The following ACACA variants were observed in gnomAD, a reference collection of about 807,000 sequenced individuals.
ACACA encodes acetyl-CoA carboxylase 1.
ACACA carries 103 observed loss-of-function variants against 296.1 expected under a neutral mutation model. The observed-to-expected ratio is 0.35, with a 90% CI of 0.30 to 0.41. ACACA has a LOEUF of 0.41. Among genes scored for constraint, ACACA ranks in the 10% least tolerant of loss-of-function variants. ACACA has a pLI of 1.00. For missense variants in ACACA, 1,554 were observed against 2,989.7 expected, an observed-to-expected ratio of 0.52 and a Z score of 11.20; for synonymous variants, 953 against 1,038.6, an observed-to-expected ratio of 0.92 and a Z score of 1.58.
rs1171328477 is a variant in ACACA at position 37,086,174 on chromosome 17, T to C, written c.*1142A>G. ...CATCAGGAAGGCCAGCTCCTGGTGC[T>C]GAGGGTGTAGCTGTCACCAGGGTCC... On this transcript the variant is annotated 3_prime_UTR_variant, in exon 56 of 56. Coordinates refer to ENST00000616317, the MANE Select transcript of ACACA (RefSeq NM_198834.3). The C allele has an allele frequency of 1.7e-5, 3 of 177,452 alleles. No homozygotes were observed. The highest frequency in any genetic ancestry group is 3.5e-5 in the Non-Finnish European group (3 of 85,314). 11.0% of individuals were successfully genotyped at this position (177,452 alleles called of 1,614,324 possible).
chr17:37,225,052 C>T lies in ACACA; in HGVS notation c.3414G>A (p.Glu1138=), dbSNP rs764605460. The part of the protein sequence containing the change: ...PSYELRHNQV[E]SIFLSAIDMY... ...TGTCAATAGCTGATAGGAAGATAGA[C>T]TCTACTTGGTTATGGCGAAGCTCAT... Residue 1138 remains glutamate (E), a synonymous_variant, in exon 27 of 56, where the codon GAG becomes GAA. Transcript: ENST00000616317. The T allele has an allele frequency of 5.7e-5, 92 of 1,613,102 alleles. No individual in the cohort carries two copies. Among genetic ancestry groups the T allele is most frequent in the Non-Finnish European group, 7.0e-5 (83 of 1,179,712 alleles).
At chr17:37,279,658 A>AG (rs2082422022) in intron 5 of ACACA, among the ~76,000 whole-genome samples, 1 of 151,286 alleles carries the variant, frequency 6.6e-6, no homozygotes, top group African/African-American at 2.4e-5. Flanking sequence ...AAAAAAAAAA[A>AG]AAATTAGCTG....
intron 45 of ACACA, among the ~76,000 whole-genome samples, chr17:37,139,214 T>C (rs1357806358): frequency 1.3e-5 from 2 of 152,182 alleles, no homozygotes; most frequent in Admixed American, 1.3e-4. Flanking sequence ...AAACCAATCT[T>C]CCTAAGGAAC....
chr17:37,331,696 G>A (rs994692034), intron 2 of ACACA, among the ~76,000 whole-genome samples: 2 of 151,786 alleles, frequency 1.3e-5, no homozygotes, highest in Non-Finnish European at 2.9e-5. Flanking sequence ...GTGAGCCACT[G>A]TGCCCGGTCT....
At chr17:37,364,852 G>A (rs1473626) in intron 1 of ACACA, among the ~76,000 whole-genome samples, 56,788 of 152,010 alleles carry the variant, frequency 0.37, 14,323 homozygotes, top group African/African-American at 0.71. Context: ...CTTTTCTCCT[G>A]TTTTTCTGAA....
At chr17:37,226,618 C>A (rs1024293872) in intron 25 of ACACA, among the ~76,000 whole-genome samples, 166 bp from the exon 26 acceptor site, 3 of 152,040 alleles carry the variant, frequency 2.0e-5, no homozygotes, top group Admixed American at 2.0e-4. Context: ...TAAAGAAGAT[C>A]CCAGAGGAAG....
chr17:37,338,979 G>A (rs1365591333), intron 2 of ACACA, among the ~76,000 whole-genome samples: 1 of 151,324 alleles, frequency 6.6e-6, no homozygotes, highest in African/African-American at 2.4e-5. Context: ...CAGAGAGGGA[G>A]GGAAAAGGGG....
At chr17:37,206,471 C>A (rs984250380) in intron 32 of ACACA, among the ~76,000 whole-genome samples, 1 of 152,084 alleles carries the variant, frequency 6.6e-6, no homozygotes, top group Admixed American at 6.6e-5. Context: ...TAAGCCATGG[C>A]TGAGTAAGAA....
chr17:37,136,138 T>A (rs78262964), intron 45 of ACACA, among the ~76,000 whole-genome samples: 1,743 of 152,130 alleles, frequency 0.011, 38 homozygotes, highest in African/African-American at 0.038. Context: ...AGTCTGTGAA[T>A]TTTAATACAC....
At chr17:37,217,039 G>A (rs2079030382) in intron 29 of ACACA, among the ~76,000 whole-genome samples, 1 of 151,824 alleles carries the variant, frequency 6.6e-6, no homozygotes, top group Non-Finnish European at 1.5e-5. Context: ...GAGGCAGGTA[G>A]ATCACCTGAG....
intron 40 of ACACA, 119 bp downstream of exon 40, chr17:37,181,082 G>T: frequency 9.6e-7 from 1 of 1,042,454 alleles, no homozygotes; most frequent in Non-Finnish European, 1.5e-6. Flanking sequence ...AATGAAAACA[G>T]TGTCAAGATA....
intron 45 of ACACA, among the ~76,000 whole-genome samples, chr17:37,146,172 T>G (rs1017481659): frequency 1.3e-5 from 2 of 152,188 alleles, no homozygotes; most frequent in Non-Finnish European, 2.9e-5. Flanking sequence ...AGTAAGAGTC[T>G]TTGGAAGCAA....
At chr17:37,287,925 T>G (rs1455748742) in intron 3 of ACACA, among the ~76,000 whole-genome samples, 1 of 152,168 alleles carries the variant, frequency 6.6e-6, no homozygotes, top group African/African-American at 2.4e-5. Context: ...CTATTAAAAT[T>G]TTCTTCATCC....
chr17:37,346,057 G>A (rs781204009), intron 1 of ACACA, among the ~76,000 whole-genome samples: 5 of 152,048 alleles, frequency 3.3e-5, no homozygotes, highest in East Asian at 1.9e-4. Flanking sequence ...TGGCCTGGGC[G>A]ACAGAGAGGG....
chr17:37,280,763 C>CACACACACA (rs2082482342), intron 5 of ACACA, among the ~76,000 whole-genome samples: 1 of 94,900 alleles, frequency 1.1e-5, no homozygotes, highest in African/African-American at 4.3e-5. Flanking sequence ...ACACACACAC[C>CACACACACA]CCAAAAAACA....
chr17:37,167,991 T>C (rs917474750), intron 41 of ACACA, among the ~76,000 whole-genome samples: 3 of 152,216 alleles, frequency 2.0e-5, no homozygotes, highest in Non-Finnish European at 4.4e-5. Context: ...GATGTAATAC[T>C]AAATTAGAAA....
At chr17:37,299,652 T>C in intron 3 of ACACA, 1 of 1,114,646 alleles carries the variant, frequency 9.0e-7, no homozygotes. Flanking sequence ...TAAAAGCTTG[T>C]TTAACTAGAA....
intron 3 of ACACA, among the ~76,000 whole-genome samples, chr17:37,314,335 G>A (rs1232385431): frequency 1.3e-5 from 2 of 151,874 alleles, no homozygotes; most frequent in African/African-American, 2.4e-5. Context: ...TCCTGACCTC[G>A]TGATCCGCCC....
At chr17:37,228,423 C>T (rs1202897396) in intron 25 of ACACA, among the ~76,000 whole-genome samples, 2 of 151,896 alleles carry the variant, frequency 1.3e-5, no homozygotes, top group African/African-American at 4.8e-5. Context: ...GAAGATAAAC[C>T]CAGAGGTTCT....
Sources: allele counts gnomAD v4.1 joint callset (sites outside exome capture counted in the v4.1 genomes callset), GRCh38; gene constraint gnomAD v4.1.1; transcripts MANE v1.5; gene names NCBI Gene and HGNC (gene_info 2026-07-23, HGNC 2026-07-21).